The following FOXP2 variants were observed in gnomAD, a reference collection of about 807,000 sequenced individuals.
FOXP2 encodes forkhead box protein P2.
FOXP2 carries 12 observed loss-of-function variants against 115.8 expected under a neutral mutation model. That is an observed-to-expected ratio of 0.10 (90% CI 0.07 to 0.17). The LOEUF (loss-of-function observed/expected upper bound fraction) is 0.17, where lower values mean the gene tolerates loss of function less well. Ranked by LOEUF, FOXP2 falls within the 10% of genes least tolerant of loss-of-function variation. The pLI is 1.00. For synonymous variants in FOXP2, 328 were observed against 297.7 expected (o/e 1.10, Z -1.05); for missense variants, 629 against 843.5 (o/e 0.75, Z 3.15).
intron 3 of FOXP2, among the ~76,000 whole-genome samples, chr7:114,545,445 T>A (rs189134835): frequency 3.5e-3 from 526 of 152,350 alleles, no homozygotes; most frequent in Middle Eastern, 0.014. Context: ...TTTACTATTA[T>A]GATTTCTTAT....
chr7:114,408,108 T>C (rs1451311726), intron 2 of FOXP2, among the ~76,000 whole-genome samples: 2 of 152,210 alleles, frequency 1.3e-5, no homozygotes, highest in Non-Finnish European at 2.9e-5. Flanking sequence ...TTATTTTGAA[T>C]ACTTGTTTCA....
intron 2 of FOXP2, among the ~76,000 whole-genome samples, chr7:114,352,791 T>C (rs954100395): frequency 3.9e-5 from 6 of 152,074 alleles, no homozygotes; most frequent in African/African-American, 1.4e-4. Context: ...ACTTCAACTA[T>C]AATTTTTCTT....
chr7:114,303,879 T>C (rs1418035644), intron 2 of FOXP2, among the ~76,000 whole-genome samples: 1 of 152,106 alleles, frequency 6.6e-6, no homozygotes, highest in Non-Finnish European at 1.5e-5. Context: ...GAATGAAACA[T>C]GAGATGTTTT....
intron 10 of FOXP2, 56 bp from the exon 11 acceptor site, chr7:114,658,010 T>C (rs902791832): frequency 6.3e-7 from 1 of 1,596,890 alleles, no homozygotes; most frequent in African/African-American, 1.3e-5. Flanking sequence ...CAAACCTTTT[T>C]AAGTCTTTTT....
At chr7:114,096,967 T>C (rs1799666031) in intron 1 of FOXP2, among the ~76,000 whole-genome samples, 1 of 151,992 alleles carries the variant, frequency 6.6e-6, no homozygotes, top group Non-Finnish European at 1.5e-5. Context: ...AAGTTGTTTA[T>C]ACATTTGACA....
At chr7:114,547,748 G>A (rs572403271) in intron 3 of FOXP2, among the ~76,000 whole-genome samples, 1 of 151,798 alleles carries the variant, frequency 6.6e-6, no homozygotes, top group Non-Finnish European at 1.5e-5. Flanking sequence ...AACAGAGCGA[G>A]ACGTCGTCTC....
chr7:114,331,346 A>G (rs1325351103), intron 2 of FOXP2, among the ~76,000 whole-genome samples: 1 of 152,212 alleles, frequency 6.6e-6, no homozygotes, highest in Non-Finnish European at 1.5e-5. Context: ...AATAATGGTT[A>G]AAATAGGAAA....
intron 3 of FOXP2, among the ~76,000 whole-genome samples, chr7:114,600,904 C>T (rs1207076570): frequency 6.7e-6 from 1 of 149,834 alleles, no homozygotes; most frequent in Admixed American, 6.7e-5. Context: ...AAGTCTTTAT[C>T]AGATATGTGT....
intron 2 of FOXP2, among the ~76,000 whole-genome samples, chr7:114,395,828 G>A (rs747545129): frequency 7.8e-4 from 118 of 151,668 alleles, no homozygotes; most frequent in Non-Finnish European, 1.5e-3. Flanking sequence ...TGACTGAATG[G>A]TAATCTAGTG....
At chr7:114,242,012 A>G (rs1223555636) in intron 1 of FOXP2, among the ~76,000 whole-genome samples, 2 of 147,672 alleles carry the variant, frequency 1.4e-5, no homozygotes, top group African/African-American at 5.0e-5. Flanking sequence ...TTGCCTCTCC[A>G]GCATTATCTA....
At chr7:114,408,303 T>A (rs1793081260) in intron 2 of FOXP2, among the ~76,000 whole-genome samples, 1 of 152,170 alleles carries the variant, frequency 6.6e-6, no homozygotes, top group Non-Finnish European at 1.5e-5. Context: ...AAGTTTAAAT[T>A]TATGTAACAC....
At position 114,219,844 on chromosome 7, in the gene FOXP2, G is replaced by GT. The variant is rs111558475; in HGVS notation, c.-102+56766dup. Among the ~76,000 whole-genome samples the GT allele has an allele frequency of 4.7e-3, 694 of 146,952 alleles. 6 individuals carry two copies. Among genetic ancestry groups the GT allele is most frequent in the African/African-American group, 0.012 (468 of 40,176 alleles). On this transcript the variant is annotated intron_variant, in intron 1 of 17. Transcript: ENST00000634411. Reference sequence around the variant, plus strand: ...TTTCTGTTTTCATAATTCTGTGAGGGTTTTTTTTTTGTTTGTTTGTTTTGT... The same window carrying GT: ...TTTCTGTTTTCATAATTCTGTGAGGGTTTTTTTTTTTGTTTGTTTGTTTTGT...
intron 3 of FOXP2, among the ~76,000 whole-genome samples, chr7:114,543,517 C>T (rs1031344909): frequency 5.9e-5 from 9 of 151,264 alleles, no homozygotes; most frequent in African/African-American, 2.0e-4. Flanking sequence ...AAAATTTGCC[C>T]TGTGATTAAT....
At chr7:114,217,946 G>C (rs1357047537) in intron 1 of FOXP2, among the ~76,000 whole-genome samples, 1 of 152,126 alleles carries the variant, frequency 6.6e-6, no homozygotes, top group African/African-American at 2.4e-5. Flanking sequence ...GTCCCTCTCT[G>C]AGTAAGACCC....
chr7:114,440,318 A>T (rs1445001109), intron 2 of FOXP2, among the ~76,000 whole-genome samples: 2 of 152,218 alleles, frequency 1.3e-5, no homozygotes, highest in African/African-American at 4.8e-5. Flanking sequence ...ATTATTTCTG[A>T]TGAATATAGT....
At position 114,319,234 on chromosome 7, in the gene FOXP2, A is replaced by T. The variant is rs191036642; in HGVS notation, c.-11+31125A>T. ...GTCCTTGTGACTCTTACCTGGACTC[A>T]TGTGCTGTTTATACCTGCCTGACCA... On this transcript the variant is annotated intron_variant, in intron 2 of 17. Coordinates refer to the FOXP2 transcript ENST00000634411. Among the ~76,000 whole-genome samples the T allele has an allele frequency of 1.0e-3, 156 of 152,228 alleles. 2 individuals are homozygous for T. Among genetic ancestry groups the T allele is most frequent in the African/African-American group, 3.7e-3 (153 of 41,552 alleles).
intron 2 of FOXP2, among the ~76,000 whole-genome samples, chr7:114,508,006 C>CT (rs1188731490): frequency 6.6e-6 from 1 of 151,956 alleles, no homozygotes; most frequent in East Asian, 1.9e-4. Flanking sequence ...TAAGTGCTTG[C>CT]TATATGTCAG....
At chr7:114,140,133 C>T (rs905364622) in intron 1 of FOXP2, among the ~76,000 whole-genome samples, 1 of 151,746 alleles carries the variant, frequency 6.6e-6, no homozygotes, top group South Asian at 2.1e-4. Flanking sequence ...TGTATGACAA[C>T]GTATGCAGAA....
chr7:114,418,882 T>C (rs1793472517), intron 1 of FOXP2, among the ~76,000 whole-genome samples: 2 of 151,918 alleles, frequency 1.3e-5, no homozygotes, highest in South Asian at 4.1e-4. Flanking sequence ...AATGACTTTC[T>C]TCTAAATTGG....
Sources: allele counts gnomAD v4.1 joint callset (sites outside exome capture counted in the v4.1 genomes callset), GRCh38; gene constraint gnomAD v4.1.1; transcripts MANE v1.5; gene names NCBI Gene and HGNC (gene_info 2026-07-23, HGNC 2026-07-21).